The following COQ6 variants were observed in gnomAD, a reference collection of about 807,000 sequenced individuals.
COQ6 encodes coenzyme Q6, monooxygenase, also known as ubiquinone biosynthesis monooxygenase COQ6, mitochondrial.
Under a neutral mutation model 55.5 loss-of-function variants are expected in COQ6, and 45 were observed. The ratio of observed to expected loss-of-function variants is 0.81; its 90% CI spans 0.64 to 1.04. The LOEUF (loss-of-function observed/expected upper bound fraction) is 1.04. Among genes scored for constraint, COQ6 ranks in the 50% least tolerant of loss-of-function variants. COQ6 has a pLI of 0.00. For missense variants in COQ6, 550 were observed against 601.3 expected (o/e 0.91, Z 0.89); for synonymous variants, 206 against 230.5 (o/e 0.89, Z 0.96).
intron 5 of COQ6, 136 bp downstream of exon 5, chr14:73,958,413 C>A: frequency 6.6e-7 from 1 of 1,521,876 alleles, no homozygotes; most frequent in South Asian, 1.2e-5. Context: ...AGTACCTATT[C>A]AGGCCAGCTC....
intron 8 of COQ6, 166 bp from the exon 9 acceptor site, chr14:73,961,007 G>C: frequency 1.3e-6 from 1 of 793,782 alleles, no homozygotes; most frequent in Non-Finnish European, 2.1e-6. Flanking sequence ...GGGGAGTGAT[G>C]AGAAGTTGCT....
chr14:73,958,310 T>C (rs1022761981), intron 5 of COQ6, 33 bp downstream of exon 5: 6 of 1,613,126 alleles, frequency 3.7e-6, no homozygotes, highest in Admixed American at 3.3e-5. Flanking sequence ...CTAGGGGTCT[T>C]GTATATCTAC....
chr14:73,953,579 A>T lies in COQ6; in HGVS notation c.298+10A>T, dbSNP rs756017093. ...GCAACGCTTCTCAGTAGTGAGTAGA[A>T]GATCCTCCTTCAAAGATCCAATCTC... On this transcript the variant is annotated intron_variant, in intron 2 of 11. Coordinates refer to ENST00000334571, the MANE Select transcript of COQ6 (RefSeq NM_182476.3). 18 of 1,614,102 alleles carry T rather than the reference A, an allele frequency of 1.1e-5. No individual in the cohort carries two copies. Among genetic ancestry groups the T allele is most frequent in the Non-Finnish European group, 1.4e-5 (17 of 1,180,046 alleles).
At chr14:73,960,319 T>C in intron 8 of COQ6, 2 of 986,442 alleles carry the variant, frequency 2.0e-6, no homozygotes, top group Non-Finnish European at 2.4e-6. Context: ...CCATGGAACA[T>C]CTTTAGTACA....
At chr14:73,959,387 C>T (rs373217487) in intron 7 of COQ6, 28 bp from the exon 8 acceptor site, 18 of 1,613,978 alleles carry the variant, frequency 1.1e-5, no homozygotes, top group Admixed American at 1.7e-5. Context: ...GAGTCTTAGC[C>T]GTTGGTATTG....
chr14:73,960,771 A>T, intron 8 of COQ6: 1 of 413,334 alleles, frequency 2.4e-6, no homozygotes, highest in Non-Finnish European at 4.2e-6. Context: ...GAAAGACTGG[A>T]GGAGTTAAAA....
In COQ6 at chr14:73,958,876, A is replaced by G. The variant is rs2051328626; in HGVS notation, c.613-95A>G. ...GATGGAATTATCCTGCCACACAACAATCAGAGCTGGAGGAAACTTTAGGGA... is the reference window on the plus strand; with the variant it reads ...GATGGAATTATCCTGCCACACAACAGTCAGAGCTGGAGGAAACTTTAGGGA... On this transcript the variant is annotated intron_variant, in intron 5 of 11. Transcript: ENST00000334571. 8 of 1,563,848 alleles carry G rather than the reference A, an allele frequency of 5.1e-6. 1 individual carries two copies. In the South Asian group the frequency reaches 7.0e-5, roughly 14 times the overall value.
chr14:73,962,890 C>A, intron 11 of COQ6, 80 bp from the exon 12 acceptor site: 1 of 1,181,532 alleles, frequency 8.5e-7, no homozygotes, highest in Non-Finnish European at 1.3e-6. Flanking sequence ...GGAAGAATAC[C>A]TACGTGATTA....
At chr14:73,955,180 C>T in intron 2 of COQ6, 1 of 486,360 alleles carries the variant, frequency 2.1e-6, no homozygotes, top group South Asian at 2.1e-5. Context: ...GTCTCTATCT[C>T]CTGATCTCGT....
At position 73,959,363 on chromosome 14, in the gene COQ6, T is replaced by C. The variant is rs778168995; in HGVS notation, c.784-52T>C. ...TTTTTGTCTTTTTATGCTTGAGAGT[T>C]TCCAAGTGCAGCAGAGTCTTAGCCG... On this transcript the variant is annotated intron_variant, in intron 7 of 11. Transcript: ENST00000334571. The C allele has an allele frequency of 5.0e-6, 8 of 1,614,216 alleles. No individual in the cohort carries two copies. The South Asian group carries it at 8.8e-5, about 18-fold the overall frequency.
At position 73,950,500 on chromosome 14, in the gene COQ6, G is replaced by A; in HGVS notation, c.163+5G>A. The A allele has an allele frequency of 6.2e-7, 1 of 1,602,542 alleles. No individual in the cohort carries two copies. The highest frequency in any genetic ancestry group is 8.5e-7 in the Non-Finnish European group (1 of 1,175,058). On this transcript the variant is annotated splice_donor_5th_base_variant and intron_variant, in intron 1 of 11. Transcript: ENST00000334571. ...CTGCCATGGCCTGTGCCTTGGGTAAGCCCTTCTCCAGGCTACTAGTGGCCG... is the reference window on the plus strand; with the variant it reads ...CTGCCATGGCCTGTGCCTTGGGTAAACCCTTCTCCAGGCTACTAGTGGCCG...
Position 73,963,199 on chromosome 14 carries a change from A to G in COQ6, c.*200A>G. 1.6e-6 allele frequency: 1 copy of G among 611,788 alleles called. No homozygotes were observed. Among genetic ancestry groups the G allele is most frequent in the East Asian group, 2.8e-5 (1 of 35,630 alleles). 37.9% of individuals were successfully genotyped at this position (611,788 alleles called of 1,614,324 possible). Reference sequence around the variant, plus strand: ...GTGAGGAGCGTATATTAGCCAGACCAAAGGAAAAAACTTCGAAGGAAGACT... The same window carrying G: ...GTGAGGAGCGTATATTAGCCAGACCGAAGGAAAAAACTTCGAAGGAAGACT... On this transcript the variant is annotated 3_prime_UTR_variant, in exon 12 of 12. Transcript: ENST00000334571.
In COQ6 at chr14:73,963,208, A is replaced by T; in HGVS notation, c.*209A>T. The stretch of plus-strand genomic sequence containing the variant: ...GTATATTAGCCAGACCAAAGGAAAA[A>T]ACTTCGAAGGAAGACTTACAATTTG... On this transcript the variant is annotated 3_prime_UTR_variant, in exon 12 of 12. Coordinates refer to ENST00000334571, the MANE Select transcript of COQ6 (RefSeq NM_182476.3). 1 of 598,860 alleles carries T rather than the reference A, an allele frequency of 1.7e-6. No homozygotes were observed. Among genetic ancestry groups the T allele is most frequent in the South Asian group, 2.3e-5 (1 of 43,726 alleles). The allele number at this position is 598,860 out of a possible 1,614,324, so 37.1% of individuals were successfully genotyped here.
chr14:73,962,839 A>G lies in COQ6; in HGVS notation c.1378-131A>G, dbSNP rs564802788. 5 of 750,554 alleles carry G rather than the reference A, an allele frequency of 6.7e-6. No homozygotes were observed. The Admixed American group carries it at 9.0e-5, about 14-fold the overall frequency. The allele number at this position is 750,554 out of a possible 1,614,324, so 46.5% of individuals were successfully genotyped here. A position where few individuals can be genotyped will look rare whatever the true frequency, so the allele number is the denominator to read the frequency against. On this transcript the variant is annotated intron_variant, in intron 11 of 11. Transcript: ENST00000334571. ...CTCTAAAACGTGTGTATATGTATGTATATTTTTCTTTTTTTAGCTGAAATA... is the reference window on the plus strand; with the variant it reads ...CTCTAAAACGTGTGTATATGTATGTGTATTTTTCTTTTTTTAGCTGAAATA...
intron 8 of COQ6, chr14:73,960,411 C>T: frequency 1.0e-6 from 1 of 987,976 alleles, no homozygotes; most frequent in Non-Finnish European, 1.2e-6. Flanking sequence ...ACTTTTGGAG[C>T]CTAAATGACA....
At chr14:73,955,949 CT>C in intron 4 of COQ6, 21 bp downstream of exon 4, 1 of 1,613,796 alleles carries the variant, frequency 6.2e-7, no homozygotes, top group Non-Finnish European at 8.5e-7. Context: ...CATCTTCCAC[CT>C]TGCATTCATT....
chr14:73,959,337 C>A, intron 7 of COQ6, 78 bp from the exon 8 acceptor site: 2 of 1,614,076 alleles, frequency 1.2e-6, no homozygotes, highest in Non-Finnish European at 1.7e-6. Context: ...TGTAAGTTCC[C>A]TTTTTGTCTT....
chr14:73,963,063 A>C lies in COQ6; in HGVS notation c.*64A>C, dbSNP rs760662833. The C allele has an allele frequency of 7.2e-6, 9 of 1,248,932 alleles. No homozygotes were observed. The highest frequency in any genetic ancestry group is 1.1e-5 in the Non-Finnish European group (9 of 848,108). 77.4% of individuals were successfully genotyped at this position (1,248,932 alleles called of 1,614,324 possible). On this transcript the variant is annotated 3_prime_UTR_variant, in exon 12 of 12. Transcript: ENST00000334571. ...GAACATCCTGCCCAGGACCCATCAT[A>C]CATATTTTCAAGATCTTATTTAATT...
In COQ6 at chr14:73,961,873, G is replaced by A. The variant is rs758933153; in HGVS notation, c.1347G>A (p.Leu449=). The change falls in exon 11 of 12, where the codon TTG becomes TTA. Residue 449 remains leucine, a synonymous_variant. Transcript: ENST00000334571. ...TTGTGTTGCTCAGGACGTGGGGCTTGCAGGCCACAAATGCAGTGTCTCCAC... is the reference window on the plus strand; with the variant it reads ...TTGTGTTGCTCAGGACGTGGGGCTTACAGGCCACAAATGCAGTGTCTCCAC... ...SPLVLLRTWG[L]QATNAVSPLK... 1.2e-6 allele frequency: 2 copies of A among 1,614,070 alleles called. No homozygotes were observed. The highest frequency in any genetic ancestry group is 1.1e-5 in the South Asian group (1 of 91,082).
Sources: allele counts gnomAD v4.1 joint callset, GRCh38; gene constraint gnomAD v4.1.1; transcripts MANE v1.5; gene names NCBI Gene and HGNC (gene_info 2026-07-23, HGNC 2026-07-21).